SENP1: variants seen among roughly 807,000 people sequenced by gnomAD.
The protein encoded by SENP1 is SUMO specific peptidase 1, also known as sentrin-specific protease 1.
Under a neutral mutation model 93.0 loss-of-function variants are expected in SENP1, and 21 were observed. The ratio of observed to expected loss-of-function variants is 0.23; its 90% CI spans 0.16 to 0.33. The LOEUF is 0.33. SENP1 is among the 10% of genes least tolerant of loss of function. The pLI is 1.00. For synonymous variants in SENP1, 256 were observed against 259.6 expected (o/e 0.99, Z 0.13); for missense variants, 591 against 758.7 (o/e 0.78, Z 2.60).
chr12:48,093,444 C>A (rs556330047), intron 4 of SENP1, among the ~76,000 whole-genome samples: 1 of 151,978 alleles, frequency 6.6e-6, no homozygotes, highest in African/African-American at 2.4e-5. Flanking sequence ...CCAACACACC[C>A]TGCTAATTTT....
chr12:48,074,290 G>A, intron 8 of SENP1, 34 bp downstream of exon 8: 1 of 1,547,002 alleles, frequency 6.5e-7, no homozygotes, highest in Non-Finnish European at 8.8e-7. Context: ...TGGCTATTAG[G>A]ACTAAAAATG....
intron 2 of SENP1, among the ~76,000 whole-genome samples, chr12:48,099,980 CAG>C (rs1472813825): frequency 6.6e-6 from 1 of 151,982 alleles, no homozygotes; most frequent in Admixed American, 6.6e-5. Context: ...ATAAACGTAA[CAG>C]AATTCAACGA....
At chr12:48,062,993 T>A (rs1259171248) in intron 13 of SENP1, among the ~76,000 whole-genome samples, 2 of 152,160 alleles carry the variant, frequency 1.3e-5, no homozygotes, top group South Asian at 4.1e-4. Flanking sequence ...GGGATGCTTA[T>A]GCAAAGAAGG....
chr12:48,083,797 A>T, intron 5 of SENP1, 35 bp from the exon 6 acceptor site: 1 of 1,462,446 alleles, frequency 6.8e-7, no homozygotes, highest in South Asian at 1.3e-5. Context: ...ATAAGAACAG[A>T]TAATAAGTAA....
In SENP1 at chr12:48,088,927, C is replaced by T. The variant is rs764220197; in HGVS notation, c.254G>A (p.Gly85Asp). 3 of 1,594,438 alleles carry T rather than the reference C, an allele frequency of 1.9e-6. No individual in the cohort carries two copies. In the South Asian group the frequency reaches 3.4e-5, roughly 18 times the overall value. Reference sequence around the variant, plus strand: ...ACTCTGGCCAAAGGTTCTTAAATCGCCTGAGCCAAGAAAACTGTCTGAGGA... The same window carrying T: ...ACTCTGGCCAAAGGTTCTTAAATCGTCTGAGCCAAGAAAACTGTCTGAGGA... ...NPSSDSFLGS[G>D]DLRTFGQSAN... The change falls in exon 5 of 18, where the codon GGC (glycine) becomes GAC (aspartate). Residue 85 changes from glycine to aspartate, a missense_variant. This residue lies in a region of SENP1 where 214 missense variants were observed against 243.4 expected (regional missense o/e 0.88). Transcript: ENST00000549518.
intron 13 of SENP1, among the ~76,000 whole-genome samples, chr12:48,053,087 T>C (rs904286911): frequency 2.0e-5 from 3 of 152,186 alleles, no homozygotes; most frequent in Non-Finnish European, 4.4e-5. Flanking sequence ...TTACTGAGCA[T>C]CACTCAGATT....
chr12:48,056,147 T>C (rs1490972478), intron 13 of SENP1, among the ~76,000 whole-genome samples: 3 of 33,886 alleles, frequency 8.9e-5, no homozygotes, highest in Non-Finnish European at 1.5e-4. Flanking sequence ...TTTATATATA[T>C]TATTTAATAT....
intron 13 of SENP1, among the ~76,000 whole-genome samples, chr12:48,049,633 T>A (rs1255991689): frequency 6.6e-6 from 1 of 152,176 alleles, no homozygotes; most frequent in Non-Finnish European, 1.5e-5. Context: ...TACACAAAGA[T>A]GGAAAACTCT....
chr12:48,093,945 G>C (rs1008650779), intron 4 of SENP1, among the ~76,000 whole-genome samples: 4 of 152,100 alleles, frequency 2.6e-5, no homozygotes, highest in African/African-American at 4.8e-5. Flanking sequence ...CTGGGCAACA[G>C]AGTGAGACCC....
intron 5 of SENP1, among the ~76,000 whole-genome samples, chr12:48,086,062 T>C (rs1315271083): frequency 1.3e-5 from 2 of 152,194 alleles, no homozygotes; most frequent in Admixed American, 1.3e-4. Context: ...TAGCCAAATT[T>C]CTGAGAATGT....
intron 4 of SENP1, among the ~76,000 whole-genome samples, chr12:48,092,453 A>G (rs775950117): frequency 3.3e-5 from 5 of 152,214 alleles, no homozygotes; most frequent in Non-Finnish European, 7.3e-5. Flanking sequence ...AAAAATATAT[A>G]TAGACCACTG....
At chr12:48,064,982 T>C (rs1045059530) in intron 12 of SENP1, 83 bp downstream of exon 12, 2 of 1,039,604 alleles carry the variant, frequency 1.9e-6, no homozygotes, top group Non-Finnish European at 2.9e-6. Context: ...TGACCACTAT[T>C]GCTTTTATGT....
chr12:48,051,665 T>A (rs768298298), intron 13 of SENP1, among the ~76,000 whole-genome samples: 17 of 152,018 alleles, frequency 1.1e-4, no homozygotes, highest in Non-Finnish European at 2.2e-4. Context: ...GGGCTGAAGA[T>A]GAAGGAAAAA....
intron 4 of SENP1, chr12:48,089,199 C>T: frequency 6.7e-7 from 1 of 1,499,560 alleles, no homozygotes; most frequent in African/African-American, 1.4e-5. Context: ...CTGCCACAGC[C>T]ATGTGCCTTA....
intron 4 of SENP1, among the ~76,000 whole-genome samples, chr12:48,093,097 A>G (rs942719469): frequency 4.6e-5 from 7 of 152,214 alleles, no homozygotes; most frequent in African/African-American, 1.7e-4. Flanking sequence ...GAATTTTAGA[A>G]AGATAACCTG....
chr12:48,099,281 CAG>C (rs1945764169), intron 2 of SENP1: 1 of 151,386 alleles, frequency 6.6e-6, no homozygotes, highest in South Asian at 2.1e-4. Flanking sequence ...TGAGCCATGA[CAG>C]AGTCACTGCA....
At chr12:48,105,347 A>G in intron 1 of SENP1, 1 of 517,934 alleles carries the variant, frequency 1.9e-6, no homozygotes, top group South Asian at 1.4e-5. Flanking sequence ...AACGAGGCAT[A>G]GATCCAGAGA....
At position 48,043,810 on chromosome 12, in the gene SENP1, G is replaced by T. The variant is rs1279405818; in HGVS notation, c.*1512C>A. 6.6e-6 allele frequency: 1 copy of T among 152,500 alleles called. No homozygotes were observed. The highest frequency in any genetic ancestry group is 2.4e-5 in the African/African-American group (1 of 41,400). The allele number at this position is 152,500 out of a possible 1,614,324, so 9.4% of individuals were successfully genotyped here. Reference sequence around the variant, plus strand: ...TTTTCTTTTCAAATTGTAACTTGTGGTAAAACATAGAAAAATGTACTAAAC... The same window carrying T: ...TTTTCTTTTCAAATTGTAACTTGTGTTAAAACATAGAAAAATGTACTAAAC... On this transcript the variant is annotated 3_prime_UTR_variant, in exon 18 of 18. Transcript: ENST00000549518.
At chr12:48,079,316 G>A (rs1565783345) in intron 6 of SENP1, among the ~76,000 whole-genome samples, 1 of 152,038 alleles carries the variant, frequency 6.6e-6, no homozygotes, top group African/African-American at 2.4e-5. Context: ...TGGCTAACAT[G>A]GTGAAACTCC....
Sources: allele counts gnomAD v4.1 joint callset (sites outside exome capture counted in the v4.1 genomes callset), GRCh38; gene constraint gnomAD v4.1.1; regional missense constraint gnomAD v4.1.1; transcripts MANE v1.5; gene names NCBI Gene and HGNC (gene_info 2026-07-23, HGNC 2026-07-21).